The following LHFPL3 variants were observed in gnomAD, a reference collection of about 807,000 sequenced individuals.
The protein encoded by LHFPL3 is LHFPL tetraspan subfamily member 3.
A neutral mutation model predicts 19.3 loss-of-function variants in LHFPL3; 5 were observed. The observed-to-expected ratio is 0.26, with a 90% CI of 0.14 to 0.54. The LOEUF is 0.54. Ranked by LOEUF, LHFPL3 falls within the 20% of genes least tolerant of loss-of-function variation. The pLI, the probability that LHFPL3 is intolerant of heterozygous loss-of-function variation, is 0.94. For synonymous variants in LHFPL3, 133 were observed against 126.2 expected (o/e 1.05, Z -0.36); for missense variants, 249 against 307.4 (o/e 0.81, Z 1.42).
chr7:104,460,627 G>A (rs574545461), intron 1 of LHFPL3, among the ~76,000 whole-genome samples: 3 of 152,116 alleles, frequency 2.0e-5, no homozygotes, highest in Non-Finnish European at 2.9e-5. Flanking sequence ...TAATATGATT[G>A]TTGCCCACAT....
chr7:104,905,994 A>G (rs894608473), intron 2 of LHFPL3, among the ~76,000 whole-genome samples, 193 bp from the exon 3 acceptor site: 18 of 152,226 alleles, frequency 1.2e-4, no homozygotes, highest in African/African-American at 4.3e-4. Context: ...GGAAGACTGT[A>G]CTGTGGGTTG....
chr7:104,331,465 A>G (rs1227831212), intron 1 of LHFPL3, among the ~76,000 whole-genome samples: 2 of 152,220 alleles, frequency 1.3e-5, no homozygotes, highest in African/African-American at 4.8e-5. Flanking sequence ...AAGTATATTA[A>G]TAAAAGAAAA....
intron 1 of LHFPL3, among the ~76,000 whole-genome samples, chr7:104,426,268 G>C (rs924336825): frequency 4.6e-5 from 7 of 151,764 alleles, no homozygotes; most frequent in Admixed American, 3.9e-4. Flanking sequence ...TTGTTTGTTT[G>C]TTTTTGAGAT....
At position 104,533,891 on chromosome 7, in the gene LHFPL3, C is replaced by T. The variant is rs576585526; in HGVS notation, c.446-202784C>T. 6.6e-5 allele frequency among the ~76,000 whole-genome samples: 10 copies of T among 152,216 alleles called. No individual in the cohort carries two copies. In the South Asian group the frequency reaches 1.7e-3, roughly 25 times the overall value. On this transcript the variant is annotated intron_variant, in intron 1 of 2. Transcript: ENST00000424859. The stretch of plus-strand genomic sequence containing the variant: ...CCTATGAGGTCTTGGAAGAAAACTC[C>T]CTCAACCACCCAGGCTAACTTTTTA...
intron 1 of LHFPL3, among the ~76,000 whole-genome samples, chr7:104,565,486 C>G (rs1390628735): frequency 2.0e-5 from 3 of 152,012 alleles, no homozygotes; most frequent in African/African-American, 7.3e-5. Context: ...TCAGCAGACA[C>G]AAGGGGAAAT....
At chr7:104,897,755 T>C (rs1219520960) in intron 2 of LHFPL3, among the ~76,000 whole-genome samples, 1 of 152,206 alleles carries the variant, frequency 6.6e-6, no homozygotes, top group Admixed American at 6.5e-5. Flanking sequence ...ATCCTTTCTA[T>C]TGTAAATTCC....
intron 1 of LHFPL3, among the ~76,000 whole-genome samples, chr7:104,572,255 T>C (rs141316657): frequency 9.2e-5 from 14 of 151,704 alleles, no homozygotes; most frequent in African/African-American, 3.2e-4. Flanking sequence ...CAACCTAATA[T>C]ATTTTGTTAT....
chr7:104,529,961 G>T (rs561599267), intron 1 of LHFPL3, among the ~76,000 whole-genome samples: 1 of 152,242 alleles, frequency 6.6e-6, no homozygotes, highest in South Asian at 2.1e-4. Flanking sequence ...AGGTACCAAG[G>T]CTCAGACAAA....
chr7:104,620,566 G>C (rs997825979), intron 1 of LHFPL3, among the ~76,000 whole-genome samples: 2 of 152,100 alleles, frequency 1.3e-5, no homozygotes, highest in African/African-American at 4.8e-5. Context: ...ACTAGTTTCA[G>C]CCTTTTTCGT....
At chr7:104,771,536 A>T (rs1441636515) in intron 2 of LHFPL3, among the ~76,000 whole-genome samples, 1 of 152,140 alleles carries the variant, frequency 6.6e-6, no homozygotes, top group African/African-American at 2.4e-5. Flanking sequence ...TTTTGGAAAT[A>T]TATACTAATT....
Position 104,329,022 on chromosome 7 carries a change from C to T in LHFPL3, c.243C>T (p.Gly81=). ...GYFGLFHYCI[G]NGFSRELTCR... ...TCGGGCTCTTCCACTACTGCATCGG[C>T]AACGGCTTCTCCCGGGAGCTGACCT... Residue 81 remains glycine, a synonymous_variant, in exon 1 of 3, where the codon GGC becomes GGT. Coordinates refer to ENST00000424859, the MANE Select transcript of LHFPL3 (RefSeq NM_199000.3). 2 of 1,614,092 alleles carry T rather than the reference C, an allele frequency of 1.2e-6. No individual in the cohort carries two copies. The highest frequency in any genetic ancestry group is 1.7e-6 in the Non-Finnish European group (2 of 1,179,926).
intron 1 of LHFPL3, among the ~76,000 whole-genome samples, chr7:104,562,931 G>A (rs190061073): frequency 0.086 from 13,111 of 151,918 alleles, 569 homozygotes; most frequent in East Asian, 0.14. Context: ...GTCTGTTGGA[G>A]TACCCTGCCG....
chr7:104,668,473 G>T, intron 1 of LHFPL3: 1 of 1,612,600 alleles, frequency 6.2e-7, no homozygotes, highest in Non-Finnish European at 8.5e-7. Flanking sequence ...GATGGCCCAC[G>T]CCGGGATATG....
At chr7:104,556,827 C>G (rs1341320269) in intron 1 of LHFPL3, among the ~76,000 whole-genome samples, 1 of 152,126 alleles carries the variant, frequency 6.6e-6, no homozygotes, top group Non-Finnish European at 1.5e-5. Flanking sequence ...TAACAGAAAC[C>G]AAGTCATCTC....
chr7:104,666,136 G>A lies in LHFPL3; in HGVS notation c.446-70539G>A, dbSNP rs560216983. ...TAATAATCTAGTCACAGTATTTAAG[G>A]TATTCAGCACCTTGACTAGTTATCA... On this transcript the variant is annotated intron_variant, in intron 1 of 2. Coordinates refer to ENST00000424859, the MANE Select transcript of LHFPL3 (RefSeq NM_199000.3). 3.9e-5 allele frequency among the ~76,000 whole-genome samples: 6 copies of A among 152,094 alleles called. No homozygotes were observed. In the South Asian group the frequency reaches 1.2e-3, roughly 32 times the overall value.
intron 1 of LHFPL3, among the ~76,000 whole-genome samples, chr7:104,373,943 G>A (rs12111878): frequency 0.059 from 8,968 of 152,106 alleles, 375 homozygotes; most frequent in African/African-American, 0.11. Context: ...CATGTTTTGG[G>A]GTAAAATATT....
chr7:104,881,880 T>C (rs950691043), intron 2 of LHFPL3, among the ~76,000 whole-genome samples: 1 of 152,208 alleles, frequency 6.6e-6, no homozygotes, highest in African/African-American at 2.4e-5. Flanking sequence ...GCCATCAACA[T>C]GGAGGCAGGA....
Position 104,605,583 on chromosome 7 carries a change from GAC to G in LHFPL3, c.446-131084_446-131083del, listed in dbSNP as rs1191098681. On this transcript the variant is annotated intron_variant, in intron 1 of 2. Transcript: ENST00000424859. ...ATCCATGTGCACACATACACACTCA[GAC>G]ACACACATTCCAACGGGTACTCTGA... Among the ~76,000 whole-genome samples, 4 of 151,758 alleles carry G rather than the reference GAC, an allele frequency of 2.6e-5. No homozygotes were observed. In the East Asian group the frequency reaches 7.7e-4, roughly 29 times the overall value.
chr7:104,906,260 T>C lies in LHFPL3; in HGVS notation c.*45T>C, dbSNP rs947761866. 1.9e-6 allele frequency: 3 copies of C among 1,583,648 alleles called. No individual in the cohort carries two copies. In the African/African-American group the frequency reaches 4.0e-5, roughly 21 times the overall value. ...ACAGCTAAACAAATCGAATAACAGC[T>C]AAACGAATCGAATAACAGCTTTTGT... On this transcript the variant is annotated 3_prime_UTR_variant, in exon 3 of 3. Transcript: ENST00000424859.
Sources: gnomAD v4.1 joint callset for allele counts (sites outside exome capture counted in the v4.1 genomes callset) on GRCh38, gnomAD v4.1.1 for gene constraint, MANE v1.5 for transcripts, NCBI Gene and HGNC (gene_info 2026-07-23, HGNC 2026-07-21) for gene names.